The following TENT5D variants were observed in gnomAD, a reference collection of about 807,000 sequenced individuals.
TENT5D encodes terminal nucleotidyltransferase 5D, also known as cancer/testis antigen 112.
For synonymous variants in TENT5D, 103 were observed against 100.6 expected, an observed-to-expected ratio of 1.02 and a Z score of -0.15; for missense variants, 191 against 287.0, an observed-to-expected ratio of 0.67 and a Z score of 2.42.
At chrX:80,443,851 C>A in exon 3 of TENT5D, 1 of 538,934 alleles carries the variant, frequency 1.9e-6, no homozygotes, top group South Asian at 4.7e-5. Flanking sequence ...ATAGTAGTTA[C>A]CAACTATTTT....
At position 80,436,163 on chromosome X, in the gene TENT5D, G is replaced by A. The variant is rs543616346; in HGVS notation, c.-141-2447G>A. Among the ~76,000 whole-genome samples the A allele has an allele frequency of 2.5e-4, 28 of 110,463 alleles. No homozygotes were observed. In the South Asian group the frequency reaches 6.2e-3, roughly 24 times the overall value. ...TATTCTGATTTGGTGGCTATTCTAA[G>A]AATTACTTTAAGGTTATATGGGTAT... On this transcript the variant is annotated intron_variant, in intron 1 of 2. Coordinates refer to ENST00000308293, the Ensembl canonical transcript of TENT5D.
intron 3 of TENT5D, among the ~76,000 whole-genome samples, chrX:80,402,746 G>A (rs1931410874): frequency 8.9e-6 from 1 of 111,824 alleles, no homozygotes; most frequent in South Asian, 3.7e-4. Context: ...GGCTGGAAAA[G>A]TTACTTGATA....
At chrX:80,350,699 A>C (rs1297679989) in intron 3 of TENT5D, among the ~76,000 whole-genome samples, 1 of 111,502 alleles carries the variant, frequency 9.0e-6, no homozygotes, top group Non-Finnish European at 1.9e-5. Flanking sequence ...TCATGATGCT[A>C]GCTGATTATT....
intron 3 of TENT5D, among the ~76,000 whole-genome samples, chrX:80,361,147 A>C (rs979500634): frequency 1.8e-5 from 2 of 112,390 alleles, no homozygotes; most frequent in Non-Finnish European, 3.8e-5. Context: ...CATACACCTC[A>C]GTATTCATGA....
chrX:80,385,266 C>G (rs1930968708), intron 3 of TENT5D, among the ~76,000 whole-genome samples: 1 of 110,764 alleles, frequency 9.0e-6, no homozygotes, highest in Non-Finnish European at 1.9e-5. Context: ...GAAATAATAC[C>G]ACACATCTAC....
At chrX:80,345,903 G>T (rs1930049427) in intron 3 of TENT5D, among the ~76,000 whole-genome samples, 1 of 111,620 alleles carries the variant, frequency 9.0e-6, no homozygotes, top group Non-Finnish European at 1.9e-5. Flanking sequence ...CCAAACTGAA[G>T]AAAGACCATT....
chrX:80,397,953 G>A (rs748470607), intron 3 of TENT5D, among the ~76,000 whole-genome samples: 53 of 107,781 alleles, frequency 4.9e-4, no homozygotes, highest in Non-Finnish European at 6.0e-4. Flanking sequence ...GGGAGAGGGC[G>A]AGGGAGGGAG....
chrX:80,381,144 G>C (rs1245874070), intron 3 of TENT5D, among the ~76,000 whole-genome samples: 2 of 111,886 alleles, frequency 1.8e-5, no homozygotes, highest in Non-Finnish European at 3.8e-5. Flanking sequence ...GCTCTTGTAA[G>C]GCAGGCCTGG....
chrX:80,408,288 C>T (rs1449979175), intron 3 of TENT5D, among the ~76,000 whole-genome samples: 4 of 106,365 alleles, frequency 3.8e-5, no homozygotes, highest in African/African-American at 1.4e-4. Flanking sequence ...ACAAAAAACC[C>T]TTCAAAAAAT....
chrX:80,442,591 G>T (rs759757458), exon 3 of TENT5D: 3 of 1,209,791 alleles, frequency 2.5e-6, no homozygotes. Flanking sequence ...TATAACACTG[G>T]ATCAAGTGTT....
intron 1 of TENT5D, among the ~76,000 whole-genome samples, chrX:80,431,905 A>C (rs1179197925): frequency 9.0e-6 from 1 of 111,394 alleles, no homozygotes; most frequent in Non-Finnish European, 1.9e-5. Context: ...GAAGGAGGGG[A>C]TAGTTGCTTG....
At chrX:80,422,160 T>TA (rs1266429301) in intron 1 of TENT5D, among the ~76,000 whole-genome samples, 1 of 111,591 alleles carries the variant, frequency 9.0e-6, no homozygotes, top group African/African-American at 3.3e-5. Context: ...CCTTCTTTCT[T>TA]TATTTCTCTC....
chrX:80,386,664 A>G (rs1408600106), intron 3 of TENT5D, among the ~76,000 whole-genome samples: 1 of 112,084 alleles, frequency 8.9e-6, no homozygotes, highest in Non-Finnish European at 1.9e-5. Context: ...CTCAGTATAC[A>G]AGGAGGAATT....
At chrX:80,408,755 A>C (rs1221373217) in intron 3 of TENT5D, among the ~76,000 whole-genome samples, 3 of 111,659 alleles carry the variant, frequency 2.7e-5, no homozygotes, top group African/African-American at 9.8e-5. Flanking sequence ...TTATGAGGCA[A>C]GCATCATTCT....
chrX:80,399,735 A>G (rs901181449), intron 3 of TENT5D, among the ~76,000 whole-genome samples: 1 of 112,747 alleles, frequency 8.9e-6, no homozygotes, highest in African/African-American at 3.2e-5. Context: ...TAAGTAAGTG[A>G]TTCTCTGCTT....
At chrX:80,437,505 T>C (rs910203228) in intron 1 of TENT5D, among the ~76,000 whole-genome samples, 1 of 111,742 alleles carries the variant, frequency 8.9e-6, no homozygotes, top group African/African-American at 3.2e-5. Flanking sequence ...ATTCAGGGTA[T>C]TCTACGATCT....
chrX:80,444,114 T>C (rs1932342149), exon 3 of TENT5D: 1 of 133,968 alleles, frequency 7.5e-6, no homozygotes, highest in South Asian at 3.2e-4. Flanking sequence ...GTATCAAATT[T>C]TTTATATTCA....
chrX:80,425,086 C>T (rs1181920871), intron 1 of TENT5D, among the ~76,000 whole-genome samples: 2 of 112,697 alleles, frequency 1.8e-5, no homozygotes, highest in Non-Finnish European at 3.7e-5. Flanking sequence ...AAGGGAAACA[C>T]ATCCTTTTAG....
At chrX:80,443,322 T>C in exon 3 of TENT5D, 1 of 1,210,938 alleles carries the variant, frequency 8.3e-7, no homozygotes. Flanking sequence ...TAGAACGTTA[T>C]ATGTGCTCTA....
Sources: gnomAD v4.1 joint callset for allele counts (sites outside exome capture counted in the v4.1 genomes callset) on GRCh38, gnomAD v4.1.1 for gene constraint, MANE v1.5 for transcripts, NCBI Gene and HGNC (gene_info 2026-07-23, HGNC 2026-07-21) for gene names.